ALPK3: variants seen among roughly 807,000 people sequenced by gnomAD.
ALPK3 encodes alpha kinase 3.
Under a neutral mutation model 140.0 loss-of-function variants are expected in ALPK3, and 102 were observed. That is an observed-to-expected ratio of 0.73 (90% confidence interval 0.62 to 0.86). The LOEUF (loss-of-function observed/expected upper bound fraction) is 0.86. Among genes scored for constraint, ALPK3 ranks in the 40% least tolerant of loss-of-function variants. The pLI, the probability that ALPK3 is intolerant of heterozygous loss-of-function variation, is 0.00. For missense variants in ALPK3, 2,254 were observed against 2,208.2 expected (o/e 1.02, Z -0.42); for synonymous variants, 938 against 898.5 (o/e 1.04, Z -0.79).
At position 84,867,358 on chromosome 15, in the gene ALPK3, C is replaced by T. The variant is rs1012634268; in HGVS notation, c.4765C>T (p.Leu1589Phe). The change falls in exon 13 of 14, where the codon CTC becomes TTC. Residue 1589 changes from leucine (L) to phenylalanine (F), a missense_variant. This residue lies in a region of ALPK3 where 158 missense variants were observed against 159.8 expected (regional missense o/e 0.99). Transcript: ENST00000258888. ...GACTGATGTGCAGATTGCTACCAAA[C>T]TCCGAGGGTGAGTGGTTCTTGGGGA... is the stretch of plus-strand genomic sequence containing the variant. Reference protein sequence around the residue: ...KMTDVQIATKLRGYQGLKESC... With the variant: ...KMTDVQIATKFRGYQGLKESC... 1.9e-5 allele frequency: 31 copies of T among 1,613,914 alleles called. No homozygotes were observed. In the African/African-American group the frequency reaches 3.9e-4, roughly 20 times the overall value.
intron 6 of ALPK3, 29 bp from the exon 7 acceptor site, chr15:84,859,213 GT>G: frequency 1.9e-6 from 3 of 1,613,122 alleles, no homozygotes; most frequent in Non-Finnish European, 2.5e-6. Context: ...GAGAGGTGGT[GT>G]TCCCCTCTTG....
intron 13 of ALPK3, 124 bp from the exon 14 acceptor site, chr15:84,867,987 C>A (rs1964020130): frequency 1.0e-6 from 1 of 977,506 alleles, no homozygotes; most frequent in Non-Finnish European, 1.5e-6. Flanking sequence ...GTCCCCATCA[C>A]CCTCAGATAA....
chr15:84,858,445 G>C lies in ALPK3; in HGVS notation c.3707G>C (p.Gly1236Ala). The C allele has an allele frequency of 6.4e-7, 1 of 1,566,728 alleles. No individual in the cohort carries two copies. The highest frequency in any genetic ancestry group is 8.6e-7 in the Non-Finnish European group (1 of 1,159,614). ...CGGGCAGAGGAGGAGCTGGCGGCAG[G>C]AGACCTGGGCCCCAGCCCCAAGGCC... ...VPRAEEELAAGDLGPSPKAGG... is the reference protein window; with the variant it reads ...VPRAEEELAAADLGPSPKAGG... Residue 1236 changes from glycine to alanine, a missense_variant, in exon 6 of 14, where the codon GGA becomes GCA. Physicochemically the swap from Gly to Ala is moderately conservative, Grantham distance 60. This residue lies in a region of ALPK3 where 2,088 missense variants were observed against 2,022.9 expected (regional missense o/e 1.03). Coordinates refer to ENST00000258888, the MANE Select transcript of ALPK3 (RefSeq NM_020778.5).
chr15:84,828,089 T>C (rs190392444), intron 3 of ALPK3, among the ~76,000 whole-genome samples: 1 of 152,318 alleles, frequency 6.6e-6, no homozygotes, highest in African/African-American at 2.4e-5. Context: ...ATGATGTTAC[T>C]GAGCACGTTA....
chr15:84,855,040 A>G (rs563942068), intron 5 of ALPK3, among the ~76,000 whole-genome samples: 4 of 152,258 alleles, frequency 2.6e-5, no homozygotes, highest in South Asian at 2.1e-4. Flanking sequence ...CTAAAACACA[A>G]TGTTCTCGGC....
intron 2 of ALPK3, 118 bp from the exon 3 acceptor site, chr15:84,827,366 C>A (rs891286): frequency 4.9e-6 from 7 of 1,438,052 alleles, no homozygotes; most frequent in South Asian, 1.3e-5. Flanking sequence ...CGGGGTGCTG[C>A]AGCTCTGGCC....
At position 84,858,382 on chromosome 15, in the gene ALPK3, C is replaced by G. The variant is rs762139625; in HGVS notation, c.3644C>G (p.Pro1215Arg). 1 of 1,553,938 alleles carries G rather than the reference C, an allele frequency of 6.4e-7. No individual in the cohort carries two copies. The highest frequency in any genetic ancestry group is 1.4e-5 in the African/African-American group (1 of 73,468). Residue 1215 changes from proline (P) to arginine (R), a missense_variant, in exon 6 of 14, where the codon CCT (proline) becomes CGT (arginine). Transcript: ENST00000258888. ...PGTPGRERRS[P>R]TQGRKASMLE... The stretch of plus-strand genomic sequence containing the variant: ...ACTCCAGGGCGGGAGAGACGCTCCC[C>G]TACGCAGGGCAGAAAGGCGAGCATG...
chr15:84,844,018 C>T (rs2141559470), intron 5 of ALPK3, among the ~76,000 whole-genome samples: 1 of 152,152 alleles, frequency 6.6e-6, no homozygotes, highest in East Asian at 1.9e-4. Context: ...ATAACAAGCT[C>T]AGGAGTTCAA....
chr15:84,859,538 A>G lies in ALPK3; in HGVS notation c.3965+148A>G, dbSNP rs1263698386. The G allele has an allele frequency of 4.5e-6, 6 of 1,318,992 alleles. No homozygotes were observed. In the African/African-American group the frequency reaches 6.0e-5, roughly 13 times the overall value. The allele number at this position is 1,318,992 out of a possible 1,614,324, so 81.7% of individuals were successfully genotyped here. Reference sequence around the variant, plus strand: ...TTTATTCCCATAGTAGAGATGAGAAAATGGAGGCTCAGCATTCTTTAAGCC... The same window carrying G: ...TTTATTCCCATAGTAGAGATGAGAAGATGGAGGCTCAGCATTCTTTAAGCC... On this transcript the variant is annotated intron_variant, in intron 7 of 13. Transcript: ENST00000258888.
At chr15:84,849,843 A>G (rs571756544) in intron 5 of ALPK3, among the ~76,000 whole-genome samples, 1 of 152,202 alleles carries the variant, frequency 6.6e-6, no homozygotes, top group South Asian at 2.1e-4. Context: ...CCCACCTTAG[A>G]AAACTAGAAA....
At position 84,817,796 on chromosome 15, in the gene ALPK3, C is replaced by G. The variant is rs559731468; in HGVS notation, c.143+201C>G. The stretch of plus-strand genomic sequence containing the variant: ...GTGACCCCTCCTGATCCATGCGCCT[C>G]AGGCCTCTGGCAATTCGAGGCTCAA... On this transcript the variant is annotated intron_variant, in intron 1 of 13. Coordinates refer to ENST00000258888, the MANE Select transcript of ALPK3 (RefSeq NM_020778.5). 5.3e-5 allele frequency among the ~76,000 whole-genome samples: 8 copies of G among 152,328 alleles called. No homozygotes were observed. In the East Asian group the frequency reaches 9.7e-4, roughly 18 times the overall value.
intron 5 of ALPK3, among the ~76,000 whole-genome samples, chr15:84,852,178 A>AT (rs1567092486): frequency 1.3e-5 from 2 of 152,234 alleles, no homozygotes; most frequent in Admixed American, 6.5e-5. Flanking sequence ...CTATAGTAAT[A>AT]TGCCAGTATC....
chr15:84,821,547 C>T (rs1963423391), intron 1 of ALPK3, among the ~76,000 whole-genome samples: 1 of 152,096 alleles, frequency 6.6e-6, no homozygotes, highest in Non-Finnish European at 1.5e-5. Context: ...CACGCGGCCT[C>T]CAGAGGATTT....
intron 2 of ALPK3, 22 bp from the exon 3 acceptor site, chr15:84,827,462 A>G: frequency 1.9e-6 from 3 of 1,613,816 alleles, no homozygotes; most frequent in Non-Finnish European, 2.5e-6. Flanking sequence ...GCCAGCTCTG[A>G]ATAGCTCTTT....
rs55961007 is a variant in ALPK3 at position 84,840,323 on chromosome 15, C to T, written c.1044C>T (p.Ser348=). 1.9e-6 allele frequency: 3 copies of T among 1,613,914 alleles called. No homozygotes were observed. Among genetic ancestry groups the T allele is most frequent in the Admixed American group, 3.3e-5 (2 of 59,974 alleles). The stretch of plus-strand genomic sequence containing the variant: ...GTTCTTCAGAAAACTGCATCCCCAG[C>T]TCAGACGAGCCTGACTCCTGTGGGA... ...SRRSSENCIP[S]SDEPDSCGTQ... The change falls in exon 5 of 14, where the codon AGC becomes AGT. Residue 348 remains serine, a synonymous_variant. Transcript: ENST00000258888.
chr15:84,837,822 A>T lies in ALPK3; in HGVS notation c.305-1158A>T, dbSNP rs934881395. 3.3e-5 allele frequency among the ~76,000 whole-genome samples: 5 copies of T among 152,036 alleles called. No homozygotes were observed. The East Asian group carries it at 7.7e-4, about 23-fold the overall frequency. On this transcript the variant is annotated intron_variant, in intron 3 of 13. Coordinates refer to ENST00000258888, the MANE Select transcript of ALPK3 (RefSeq NM_020778.5). Reference sequence around the variant, plus strand: ...CATCAACTTCCTTTTTCCATCTCTCACTGTAGTGTTTGCTTCTCAGTCCAT... The same window carrying T: ...CATCAACTTCCTTTTTCCATCTCTCTCTGTAGTGTTTGCTTCTCAGTCCAT...
At position 84,862,718 on chromosome 15, in the gene ALPK3, C is replaced by T. The variant is rs1344615174; in HGVS notation, c.4213C>T (p.Arg1405Ter). The T allele has an allele frequency of 5.0e-6, 8 of 1,614,108 alleles. No homozygotes were observed. Among genetic ancestry groups the T allele is most frequent in the Admixed American group, 1.7e-5 (1 of 60,014 alleles). ...CTGCTGGGGGGACAAGCTCTTTGGGCGACTGGTAAGCGAGGAGCTCCGAGG... is the reference window on the plus strand; with the variant it reads ...CTGCTGGGGGGACAAGCTCTTTGGGTGACTGGTAAGCGAGGAGCTCCGAGG... Reference protein sequence around the residue: ...SGCWGDKLFGRLVSEELRGGG... With the variant: ...SGCWGDKLFG The change falls in exon 10 of 14, where the codon CGA becomes TGA. Residue 1405 changes from arginine to a stop codon, truncating the protein, a stop_gained. Transcript: ENST00000258888. LOFTEE classifies it high-confidence loss of function.
Position 84,817,470 on chromosome 15 carries a change from C to T in ALPK3, c.18C>T (p.Ala6=), listed in dbSNP as rs1963372952. Residue 6 remains alanine, a synonymous_variant, in exon 1 of 14, where the codon GCC becomes GCT. Coordinates refer to ENST00000258888, the MANE Select transcript of ALPK3 (RefSeq NM_020778.5). ...GCGGTGCCATGGGGTCGCGGAGGGC[C>T]CCCAGCCGGGGCTGGGGCGCGGGTG... MGSRR[A]PSRGWGAGGR... is the part of the protein sequence containing the mutation. 2.9e-6 allele frequency: 4 copies of T among 1,381,110 alleles called. No homozygotes were observed. The highest frequency in any genetic ancestry group is 3.2e-5 in the South Asian group (2 of 61,998). 85.6% of individuals were successfully genotyped at this position (1,381,110 alleles called of 1,614,324 possible).
intron 5 of ALPK3, among the ~76,000 whole-genome samples, chr15:84,853,848 A>C (rs1333803305): frequency 6.6e-6 from 1 of 152,052 alleles, no homozygotes; most frequent in East Asian, 1.9e-4. Flanking sequence ...GATAACATTC[A>C]TTCAAAATTC....
Sources: gnomAD v4.1 joint callset for allele counts (sites outside exome capture counted in the v4.1 genomes callset) on GRCh38, gnomAD v4.1.1 for gene constraint, gnomAD v4.1.1 regional missense constraint, MANE v1.5 for transcripts, NCBI Gene and HGNC (gene_info 2026-07-23, HGNC 2026-07-21) for gene names.